The following CRYBG3 variants were observed in gnomAD, a reference collection of about 807,000 sequenced individuals.
The protein encoded by CRYBG3 is very large A-kinase anchor protein.
CRYBG3 carries 127 observed loss-of-function variants against 244.2 expected under a neutral mutation model. The observed-to-expected ratio is 0.52, with a 90% CI of 0.45 to 0.60. CRYBG3 has a LOEUF of 0.60. CRYBG3 is among the 20% of genes least tolerant of loss of function. The pLI, the probability that CRYBG3 is intolerant of heterozygous loss-of-function variation, is 0.00. For missense variants in CRYBG3, 3,325 were observed against 3,442.5 expected (o/e 0.97, Z 0.85); for synonymous variants, 1,132 against 1,195.8 (o/e 0.95, Z 1.10).
At chr3:97,936,687 G>C (rs573103014) in intron 18 of CRYBG3, 98 bp from the exon 19 acceptor site, 1 of 1,249,658 alleles carries the variant, frequency 8.0e-7, no homozygotes, top group East Asian at 2.4e-5. Flanking sequence ...TGCAAACCTA[G>C]AAGTTTATGA....
intron 16 of CRYBG3, among the ~76,000 whole-genome samples, chr3:97,914,868 C>T (rs1318079216): frequency 6.6e-6 from 1 of 152,166 alleles, no homozygotes; most frequent in African/African-American, 2.4e-5. Flanking sequence ...AGGGCTAGAA[C>T]TTAACCACAC....
At chr3:97,851,739 C>T (rs1378318155) in intron 2 of CRYBG3, among the ~76,000 whole-genome samples, 1 of 152,128 alleles carries the variant, frequency 6.6e-6, no homozygotes, top group Admixed American at 6.5e-5. Flanking sequence ...TCCACCAAGA[C>T]CTTGAAGGCA....
Position 97,929,239 on chromosome 3 carries a change from C to G in CRYBG3, c.8242-4455C>G, listed in dbSNP as rs565278437. On this transcript the variant is annotated intron_variant, in intron 17 of 21. Transcript: ENST00000389622. Reference sequence around the variant, plus strand: ...GCTTCAAAGTTAACATGGACTAAGGCGAAGACATTTGTGGAGCTCAAACTG... The same window carrying G: ...GCTTCAAAGTTAACATGGACTAAGGGGAAGACATTTGTGGAGCTCAAACTG... Among the ~76,000 whole-genome samples the G allele has an allele frequency of 7.2e-5, 11 of 151,882 alleles. No individual in the cohort carries two copies. In the East Asian group the frequency reaches 2.1e-3, roughly 29 times the overall value.
intron 19 of CRYBG3, among the ~76,000 whole-genome samples, chr3:97,940,497 G>C (rs1450361829): frequency 6.6e-6 from 1 of 151,974 alleles, no homozygotes; most frequent in Admixed American, 6.6e-5. Flanking sequence ...ATTCTCCTTA[G>C]AGGCAAGTCC....
At chr3:97,902,044 T>C (rs1025032612) in intron 15 of CRYBG3, among the ~76,000 whole-genome samples, 67 of 152,348 alleles carry the variant, frequency 4.4e-4, no homozygotes, top group African/African-American at 1.5e-3. Context: ...TCTTCTTGTT[T>C]ATGCTTACTT....
intron 11 of CRYBG3, among the ~76,000 whole-genome samples, 174 bp from the exon 12 acceptor site, chr3:97,895,785 A>T (rs1222995517): frequency 7.2e-5 from 11 of 152,348 alleles, no homozygotes; most frequent in Non-Finnish European, 1.5e-4. Flanking sequence ...TATAAAAATT[A>T]TTGATCTATG....
At position 97,875,563 on chromosome 3, in the gene CRYBG3, G is replaced by C. The variant is rs182430936; in HGVS notation, c.4369G>C (p.Glu1457Gln). Reference protein sequence around the residue: ...SEDCNETMEIENVDNNKTETE... With the variant: ...SEDCNETMEIQNVDNNKTETE... ...GGACTGTAATGAGACAATGGAAATAGAGAATGTGGATAATAACAAAACTGA... is the reference window on the plus strand; with the variant it reads ...GGACTGTAATGAGACAATGGAAATACAGAATGTGGATAATAACAAAACTGA... Residue 1457 changes from glutamate (E) to glutamine (Q), a missense_variant, in exon 4 of 22, where the codon GAG becomes CAG. Glu to Gln is a conservative substitution (Grantham distance 29). Transcript: ENST00000389622. 1 of 1,242,228 alleles carries C rather than the reference G, an allele frequency of 8.1e-7. No individual in the cohort carries two copies. Among genetic ancestry groups the C allele is most frequent in the African/African-American group, 1.6e-5 (1 of 64,456 alleles). The allele number at this position is 1,242,228 out of a possible 1,614,324, so 77.0% of individuals were successfully genotyped here. A position where few individuals can be genotyped will look rare whatever the true frequency, so the allele number is the denominator to read the frequency against.
chr3:97,891,770 T>C (rs1440319316), intron 10 of CRYBG3, among the ~76,000 whole-genome samples: 4 of 152,170 alleles, frequency 2.6e-5, no homozygotes, highest in African/African-American at 9.7e-5. Flanking sequence ...TGGAAACTCT[T>C]GGGAAATTGC....
intron 3 of CRYBG3, chr3:97,866,910 G>C (rs1194364061): frequency 6.6e-6 from 1 of 152,212 alleles, no homozygotes; most frequent in Non-Finnish European, 1.5e-5. Context: ...CTGCCAGTTT[G>C]ACTGAGATGC....
chr3:97,843,552 A>G (rs536350939), intron 2 of CRYBG3, among the ~76,000 whole-genome samples: 2 of 152,296 alleles, frequency 1.3e-5, no homozygotes, highest in Admixed American at 1.3e-4. Flanking sequence ...GTCTTTGCTA[A>G]TCTGTAAGTC....
At position 97,877,060 on chromosome 3, in the gene CRYBG3, GA is replaced by G. The variant is rs2039384169; in HGVS notation, c.5867del (p.Asp1956ValfsTer4). ...AGCAATGCCAGATTTTCAACCTGGG[GA>G]TACCACAGTAAGACTAGACAAAAGA... ...APAMPDFQPGDTTVRLDKRMS... is the reference protein window; with the variant it reads ...APAMPDFQPGXTTVRLDKRMS... On this transcript the variant is annotated frameshift_variant, in exon 4 of 22. Coordinates refer to ENST00000389622, the MANE Select transcript of CRYBG3 (RefSeq NM_153605.4). LOFTEE classifies it high-confidence loss of function. 3.7e-6 allele frequency: 6 copies of G among 1,600,570 alleles called. No individual in the cohort carries two copies. Among genetic ancestry groups the G allele is most frequent in the African/African-American group, 1.3e-5 (1 of 74,512 alleles).
intron 17 of CRYBG3, among the ~76,000 whole-genome samples, chr3:97,928,083 TAA>T (rs2040059507): frequency 6.6e-6 from 1 of 151,922 alleles, no homozygotes; most frequent in Non-Finnish European, 1.5e-5. Context: ...CATTCTATCA[TAA>T]AGACACATGC....
chr3:97,837,175 T>G (rs1231071694), intron 1 of CRYBG3: 1 of 152,186 alleles, frequency 6.6e-6, no homozygotes, highest in African/African-American at 2.4e-5. Flanking sequence ...GATCTCATCT[T>G]GTTCTGCATT....
At chr3:97,919,790 AT>A (rs1371107651) in intron 17 of CRYBG3, among the ~76,000 whole-genome samples, 2 of 151,426 alleles carry the variant, frequency 1.3e-5, no homozygotes, top group Admixed American at 6.6e-5. Context: ...AACACATCTG[AT>A]TAGTAATTTT....
chr3:97,924,125 G>T (rs1175842473), intron 17 of CRYBG3: 3 of 275,038 alleles, frequency 1.1e-5, no homozygotes, highest in Non-Finnish European at 2.1e-5. Flanking sequence ...GGGTAGCATG[G>T]AAACTGACCT....
At chr3:97,900,012 C>A (rs2039687873) in intron 14 of CRYBG3, among the ~76,000 whole-genome samples, 2 of 152,070 alleles carry the variant, frequency 1.3e-5, no homozygotes, top group African/African-American at 4.8e-5. Context: ...ATTTGAGATC[C>A]ATAGCCAGTT....
At chr3:97,882,193 G>A (rs940058010) in intron 7 of CRYBG3, among the ~76,000 whole-genome samples, 2 of 138,102 alleles carry the variant, frequency 1.4e-5, no homozygotes, top group Non-Finnish European at 3.1e-5. Flanking sequence ...GGGCGACAGA[G>A]CAAGACTCTG....
chr3:97,822,879 C>T (rs1021910869), intron 1 of CRYBG3, among the ~76,000 whole-genome samples: 10 of 152,176 alleles, frequency 6.6e-5, no homozygotes, highest in African/African-American at 1.4e-4. Context: ...GTATTTTTGC[C>T]ATCTTATTTA....
intron 1 of CRYBG3, among the ~76,000 whole-genome samples, 175 bp downstream of exon 1, chr3:97,822,530 G>T (rs917236884): frequency 1.3e-5 from 2 of 152,214 alleles, no homozygotes; most frequent in Admixed American, 6.5e-5. Context: ...TTCCCGTGCC[G>T]CACTACTCGC....
Sources: gnomAD v4.1 joint callset for allele counts (sites outside exome capture counted in the v4.1 genomes callset) on GRCh38, gnomAD v4.1.1 for gene constraint, MANE v1.5 for transcripts, NCBI Gene and HGNC (gene_info 2026-07-23, HGNC 2026-07-21) for gene names.